DCAF6: variants seen among roughly 807,000 people sequenced by gnomAD.
DCAF6 encodes DDB1- and CUL4-associated factor 6.
DCAF6 carries 54 observed loss-of-function variants against 125.1 expected under a neutral mutation model. The observed-to-expected ratio is 0.43, with a 90% CI of 0.35 to 0.54. DCAF6 has a LOEUF of 0.54. Ranked by LOEUF, DCAF6 falls within the 20% of genes least tolerant of loss-of-function variation. The probability of loss-of-function intolerance (pLI) is 0.01; values close to 1 mark genes in which losing one functional copy is unlikely to be tolerated. For synonymous variants in DCAF6, 371 were observed against 390.4 expected, an observed-to-expected ratio of 0.95 and a Z score of 0.58; for missense variants, 934 against 1,161.7, an observed-to-expected ratio of 0.80 and a Z score of 2.85.
At chr1:167,921,286 G>A in the DCAF6 span, among the ~76,000 whole-genome samples, 9 of 151,328 alleles carry the variant, frequency 5.9e-5, no homozygotes, top group Non-Finnish European at 1.2e-4. Context: ...GCAATGGTGC[G>A]ATCTAGGCTC....
chr1:167,888,809 G>GAGCGTGCAGTGGGCCGA, the DCAF6 span, among the ~76,000 whole-genome samples: 1 of 147,980 alleles, frequency 6.8e-6, no homozygotes, highest in Non-Finnish European at 1.5e-5. Context: ...CCGGGAGGCG[G>GAGCGTGCAGTGGGCCGA]AGCGTGCAGT....
chr1:167,985,944 C>T (rs910744670), intron 4 of DCAF6, among the ~76,000 whole-genome samples: 29 of 152,052 alleles, frequency 1.9e-4, no homozygotes, highest in Admixed American at 8.5e-4. Flanking sequence ...GGCCTTTTTA[C>T]GATTTTATAA....
the DCAF6 span, among the ~76,000 whole-genome samples, chr1:167,911,058 A>G: frequency 0.08 from 12,256 of 152,272 alleles, 580 homozygotes; most frequent in Middle Eastern, 0.11. Context: ...CTGGATGGAA[A>G]GTGGGTTAGG....
At chr1:167,903,833 G>GA in the DCAF6 span, 1 of 1,350,032 alleles carries the variant, frequency 7.4e-7, no homozygotes, top group Non-Finnish European at 1.1e-6. Flanking sequence ...GACAACTACG[G>GA]AAAAAACAAT....
intron 16 of DCAF6, among the ~76,000 whole-genome samples, chr1:168,049,646 ATTTTTTT>A (rs756012977): frequency 4.4e-5 from 4 of 90,292 alleles, no homozygotes; most frequent in South Asian, 3.3e-4. Flanking sequence ...TCTGCATATA[ATTTTTTT>A]TTTTTTTTTT....
At chr1:167,919,907 C>CA in the DCAF6 span, 91,720 of 850,168 alleles carry the variant, frequency 0.11, 42 homozygotes, top group Non-Finnish European at 0.11. Context: ...GACCCCGTCT[C>CA]AAAAAAAAAA....
intron 3 of DCAF6, among the ~76,000 whole-genome samples, chr1:167,970,488 C>T (rs1002331932): frequency 3.3e-5 from 5 of 152,082 alleles, no homozygotes; most frequent in Admixed American, 2.0e-4. Flanking sequence ...TCTGTCTCTA[C>T]AAAAAATTTA....
At chr1:167,938,162 G>A (rs1458070958) in intron 1 of DCAF6, among the ~76,000 whole-genome samples, 1 of 152,008 alleles carries the variant, frequency 6.6e-6, no homozygotes, top group East Asian at 1.9e-4. Context: ...ATTTCACTCC[G>A]CCACCCTTAG....
At chr1:168,014,682 T>A (rs1380442101) in intron 10 of DCAF6, among the ~76,000 whole-genome samples, 1 of 152,254 alleles carries the variant, frequency 6.6e-6, no homozygotes, top group Non-Finnish European at 1.5e-5. Context: ...GGGATCACTC[T>A]GCATCCAAAC....
chr1:168,009,454 C>T (rs1424087848), intron 10 of DCAF6, among the ~76,000 whole-genome samples: 12 of 44,990 alleles, frequency 2.7e-4, no homozygotes, highest in African/African-American at 1.3e-3. Flanking sequence ...TTCTTTCTGT[C>T]TCTCTCTCTT....
the DCAF6 span, chr1:167,899,300 C>T: frequency 1.0e-6 from 1 of 964,388 alleles, no homozygotes; most frequent in Non-Finnish European, 1.6e-6. Context: ...CTAACCCAGA[C>T]TGACCCCATC....
rs182162223 is a variant in DCAF6 at position 168,056,298 on chromosome 1, C to A, written c.2300+5365C>A. ...CACCGAGAGCAGAGCGGGTCCAGTGCGTAGCGTACGGACGGCGCCCACCCC... is the reference window on the plus strand; with the variant it reads ...CACCGAGAGCAGAGCGGGTCCAGTGAGTAGCGTACGGACGGCGCCCACCCC... On this transcript the variant is annotated intron_variant, in intron 17 of 21. Coordinates refer to ENST00000367840, the MANE Select transcript of DCAF6 (RefSeq NM_001198956.2). 1.9e-3 allele frequency: 3,113 copies of A among 1,605,614 alleles called. 10 individuals are homozygous for A. In the East Asian group the frequency reaches 0.062, roughly 32 times the overall value.
the DCAF6 span, chr1:167,899,733 A>C: frequency 1.6e-5 from 17 of 1,062,782 alleles, no homozygotes; most frequent in African/African-American, 3.1e-5. Flanking sequence ...ATACTATCTC[A>C]GAGCAAAATC....
chr1:167,996,287 TTTC>T (rs1430961221), intron 7 of DCAF6, among the ~76,000 whole-genome samples: 1 of 152,144 alleles, frequency 6.6e-6, no homozygotes, highest in African/African-American at 2.4e-5. Context: ...TCATCTCTCT[TTTC>T]TTCTTTTTGA....
At chr1:168,028,844 T>C (rs1686685504) in intron 12 of DCAF6, among the ~76,000 whole-genome samples, 1 of 152,164 alleles carries the variant, frequency 6.6e-6, no homozygotes, top group East Asian at 1.9e-4. Context: ...ATTAAATAAA[T>C]ATCTAGTGAT....
intron 11 of DCAF6, among the ~76,000 whole-genome samples, chr1:168,017,154 T>C (rs1367214502): frequency 6.6e-6 from 1 of 151,772 alleles, no homozygotes; most frequent in East Asian, 1.9e-4. Flanking sequence ...GGAAATATTT[T>C]CCTATACTTT....
At chr1:167,932,787 G>C (rs575396195), upstream of DCAF6, among the ~76,000 whole-genome samples, 24 of 121,884 alleles carry the variant, frequency 2.0e-4, no homozygotes, top group Non-Finnish European at 3.1e-4. Flanking sequence ...CCAACCTAGG[G>C]AACAGAGCAA....
At chr1:167,907,060 C>G in the DCAF6 span, among the ~76,000 whole-genome samples, 2 of 152,164 alleles carry the variant, frequency 1.3e-5, no homozygotes, top group Admixed American at 6.5e-5. Flanking sequence ...ATAAGTAGTG[C>G]TAAAGCACAC....
the DCAF6 span, among the ~76,000 whole-genome samples, chr1:167,875,901 C>T: frequency 6.6e-6 from 1 of 151,852 alleles, no homozygotes; most frequent in East Asian, 1.9e-4. Flanking sequence ...TGCAGTGAGC[C>T]GAGATCGCAC....
Sources: gnomAD v4.1 joint callset for allele counts (sites outside exome capture counted in the v4.1 genomes callset) on GRCh38, gnomAD v4.1.1 for gene constraint, MANE v1.5 for transcripts, NCBI Gene and HGNC (gene_info 2026-07-23, HGNC 2026-07-21) for gene names.